DAB2IP: variants seen among roughly 807,000 people sequenced by gnomAD.
DAB2IP encodes disabled homolog 2-interacting protein.
Under a neutral mutation model 107.2 loss-of-function variants are expected in DAB2IP, and 28 were observed. That is an observed-to-expected ratio of 0.26 (90% CI 0.19 to 0.36). The LOEUF is 0.36. Ranked by LOEUF, DAB2IP falls within the 10% of genes least tolerant of loss-of-function variation. The pLI is 1.00. For synonymous variants in DAB2IP, 755 were observed against 706.4 expected (o/e 1.07, Z -1.09); for missense variants, 1,400 against 1,644.7 (o/e 0.85, Z 2.57).
chr9:121,756,225 G>A (rs1213028826), intron 3 of DAB2IP, among the ~76,000 whole-genome samples: 4 of 152,230 alleles, frequency 2.6e-5, no homozygotes, highest in Non-Finnish European at 5.9e-5. Context: ...GTGATGCACT[G>A]AGGAAACAGG....
chr9:121,569,334 G>A (rs1829879910), intron 1 of DAB2IP, among the ~76,000 whole-genome samples: 1 of 152,262 alleles, frequency 6.6e-6, no homozygotes, highest in African/African-American at 2.4e-5. Flanking sequence ...ATCTGAGAGA[G>A]ATGCAGGTGC....
At position 121,644,191 on chromosome 9, in the gene DAB2IP, G is replaced by A. The variant is rs1175259601; in HGVS notation, c.41-34487G>A. On this transcript the variant is annotated intron_variant, in intron 1 of 16. Coordinates refer to the DAB2IP transcript ENST00000259371. ...GTCTAAAAAAGAAGAAGAAGAGGAG[G>A]AGGAAGAAGAGGAAGAAGAGGAAGA... Among the ~76,000 whole-genome samples, 5 of 137,742 alleles carry A rather than the reference G, an allele frequency of 3.6e-5. No homozygotes were observed. In the East Asian group the frequency reaches 1.2e-3, roughly 32 times the overall value. 90.4% of individuals were successfully genotyped at this position (137,742 alleles called of 152,430 possible).
intron 3 of DAB2IP, among the ~76,000 whole-genome samples, chr9:121,707,687 T>C (rs1305812132): frequency 6.6e-6 from 1 of 152,224 alleles, no homozygotes; most frequent in East Asian, 1.9e-4. Flanking sequence ...ATTAGTGTAG[T>C]GTCTCCCTGT....
At chr9:121,687,035 T>C (rs1828919548) in intron 2 of DAB2IP, among the ~76,000 whole-genome samples, 2 of 152,008 alleles carry the variant, frequency 1.3e-5, no homozygotes, top group Non-Finnish European at 2.9e-5. Flanking sequence ...CGCAGGGTGG[T>C]TTCCTGCCAG....
At position 121,698,218 on chromosome 9, in the gene DAB2IP, C is replaced by G. The variant is rs59737083; in HGVS notation, c.229-1107C>G. Among the ~76,000 whole-genome samples, 8,691 of 152,122 alleles carry G rather than the reference C, an allele frequency of 0.057. 554 individuals carry two copies. The highest frequency in any genetic ancestry group is 0.15 in the African/African-American group (6,242 of 41,468). On this transcript the variant is annotated intron_variant, in intron 2 of 15. Coordinates refer to ENST00000408936, the Ensembl canonical transcript of DAB2IP. This position sits in a 1 kb window ranked among gnomAD's most constrained non-coding sequence, Gnocchi z 4.1. ...TGGAATTGAGACTGGGGTGGGTGAG[C>G]CCCCAGAACACCCCCCTCTTTAGAG...
At chr9:121,669,997 G>A (rs1338185152) in intron 1 of DAB2IP, among the ~76,000 whole-genome samples, 1 of 152,114 alleles carries the variant, frequency 6.6e-6, no homozygotes, top group Non-Finnish European at 1.5e-5. Context: ...AACCACCACT[G>A]CAATCAGCAT....
At chr9:121,763,901 C>T (rs1284222247) in intron 8 of DAB2IP, 22 bp downstream of exon 8, 5 of 1,610,552 alleles carry the variant, frequency 3.1e-6, no homozygotes, top group Non-Finnish European at 4.2e-6. Flanking sequence ...GCCCAGGTCT[C>T]CCCACCCTGT....
At chr9:121,571,950 G>A (rs1829954222) in intron 1 of DAB2IP, among the ~76,000 whole-genome samples, 1 of 151,102 alleles carries the variant, frequency 6.6e-6, no homozygotes, top group Non-Finnish European at 1.5e-5. Context: ...CCTTGTGATT[G>A]GCCTTAGTTT....
chr9:121,782,401 G>A lies in DAB2IP; in HGVS notation c.3473G>A (p.Arg1158Lys), dbSNP rs1293364514. 2.5e-6 allele frequency: 4 copies of A among 1,613,982 alleles called. No individual in the cohort carries two copies. Among genetic ancestry groups the A allele is most frequent in the Non-Finnish European group, 2.5e-6 (3 of 1,179,990 alleles). Reference sequence around the variant, plus strand: ...AGTGCCCTGACCCAGCTGAAAGAGAGGTACAGCATGCAAGCCCGTAACGGC... The same window carrying A: ...AGTGCCCTGACCCAGCTGAAAGAGAAGTACAGCATGCAAGCCCGTAACGGC... Residue 1158 changes from arginine to lysine, a missense_variant, in exon 16 of 16, where the codon AGG becomes AAG. Transcript: ENST00000408936. This position sits in a 1 kb window ranked among gnomAD's most constrained non-coding sequence, Gnocchi z 6.1.
exon 2 of DAB2IP, chr9:121,678,708 G>A (rs538602254): frequency 3.9e-5 from 62 of 1,589,484 alleles, no homozygotes; most frequent in Middle Eastern, 3.3e-4. Context: ...GGCTCTCGGC[G>A]CAGCCTGCCT....
rs1485451101 is a variant in DAB2IP at position 121,759,129 on chromosome 9, T to G, written c.615+133T>G. The stretch of plus-strand genomic sequence containing the variant: ...AGCCTGCATGGAGGCAGGGCCCGAG[T>G]GGACAATATTGGTGGACTCTGAAAG... On this transcript the variant is annotated intron_variant, in intron 5 of 15. Coordinates refer to ENST00000408936, the Ensembl canonical transcript of DAB2IP. The G allele has an allele frequency of 9.9e-6, 8 of 806,496 alleles. No individual in the cohort carries two copies. The South Asian group carries it at 1.1e-4, about 11-fold the overall frequency. The allele number at this position is 806,496 out of a possible 1,614,324, so 50.0% of individuals were successfully genotyped here. A position where few individuals can be genotyped will look rare whatever the true frequency, so the allele number is the denominator to read the frequency against.
At chr9:121,738,983 T>C (rs1476363995) in intron 3 of DAB2IP, among the ~76,000 whole-genome samples, 4 of 152,218 alleles carry the variant, frequency 2.6e-5, no homozygotes. Context: ...CCTACTGAAA[T>C]GTGAGTCAGG....
chr9:121,643,873 A>T (rs1349349408), intron 1 of DAB2IP, among the ~76,000 whole-genome samples: 1 of 152,240 alleles, frequency 6.6e-6, no homozygotes, highest in Non-Finnish European at 1.5e-5. Context: ...TTAGTGAGAA[A>T]AGAAATAGCC....
chr9:121,759,317 C>G (rs1172264291), intron 5 of DAB2IP, among the ~76,000 whole-genome samples: 2 of 152,180 alleles, frequency 1.3e-5, no homozygotes, highest in Non-Finnish European at 2.9e-5. Context: ...GCTCATCTTC[C>G]CCTTCCACCT....
Position 121,732,261 on chromosome 9 carries a change from TTACTC to T in DAB2IP, c.363-24749_363-24745del, listed in dbSNP as rs1411114469. Among the ~76,000 whole-genome samples the T allele has an allele frequency of 3.3e-5, 5 of 152,102 alleles. No homozygotes were observed. In the East Asian group the frequency reaches 9.6e-4, roughly 29 times the overall value. On this transcript the variant is annotated intron_variant, in intron 3 of 15. Coordinates refer to ENST00000408936, the Ensembl canonical transcript of DAB2IP. ...TGTCTCACTGCTTGTTCGAGTAAAT[TTACTC>T]TATATTTTTTAGAGATGTCGCATGG...
intron 3 of DAB2IP, among the ~76,000 whole-genome samples, chr9:121,753,406 G>A (rs1833264717): frequency 6.6e-6 from 1 of 152,208 alleles, no homozygotes; most frequent in South Asian, 2.1e-4. Context: ...AGGATGCCGT[G>A]GGCCATGCAA....
rs568469074 is a variant in DAB2IP at position 121,780,328 on chromosome 9, G to A, written c.3315-1136G>A. On this transcript the variant is annotated intron_variant, in intron 14 of 15. Transcript: ENST00000408936. ...CTTCCTGTACTGGGGAACCTGCCCC[G>A]GAGGGTCCCCCCCGCCACCACCGCT... is the stretch of plus-strand genomic sequence containing the variant. Among the ~76,000 whole-genome samples, 13 of 152,168 alleles carry A rather than the reference G, an allele frequency of 8.5e-5. No individual in the cohort carries two copies. In the East Asian group the frequency reaches 1.2e-3, roughly 14 times the overall value.
intron 3 of DAB2IP, among the ~76,000 whole-genome samples, chr9:121,737,060 T>G (rs543704517): frequency 2.6e-5 from 4 of 152,206 alleles, no homozygotes; most frequent in African/African-American, 9.6e-5. Flanking sequence ...GCCCACGGAA[T>G]GGCAAATACA....
At chr9:121,714,977 T>G (rs566219088) in intron 3 of DAB2IP, among the ~76,000 whole-genome samples, 4 of 152,360 alleles carry the variant, frequency 2.6e-5, no homozygotes, top group African/African-American at 9.6e-5. Flanking sequence ...AGTGGATATT[T>G]CTCGTTTCAC....
Sources: allele counts gnomAD v4.1 joint callset (sites outside exome capture counted in the v4.1 genomes callset), GRCh38; gene constraint gnomAD v4.1.1; non-coding constraint Gnocchi (gnomAD v3.1); transcripts MANE v1.5; gene names NCBI Gene and HGNC (gene_info 2026-07-23, HGNC 2026-07-21).